The following ASPM variants were observed in gnomAD, a reference collection of about 807,000 sequenced individuals.
ASPM encodes the protein abnormal spindle-like microcephaly-associated protein.
ASPM carries 256 observed loss-of-function variants against 366.4 expected under a neutral mutation model. The ratio of observed to expected loss-of-function variants is 0.70; its 90% CI spans 0.63 to 0.77. The LOEUF is 0.77. ASPM is among the 30% of genes least tolerant of loss of function. The pLI is 0.00. For missense variants in ASPM, 4,146 were observed against 4,090.4 expected (o/e 1.01, Z -0.37); for synonymous variants, 1,414 against 1,342.9 (o/e 1.05, Z -1.16).
Position 197,122,012 on chromosome 1 carries a change from G to A in ASPM, c.3773C>T (p.Ala1258Val), listed in dbSNP as rs1225117056. The part of the protein sequence containing the change: ...VVITYLSFLC[A>V]RLLDLRKEIR... ...TTCTTTACGAAGATCCAAAAGCCTT[G>A]CACAAAGAAATGACAAATAGGTAAT... is the stretch of plus-strand genomic sequence containing the variant. The change falls in exon 16 of 28, where the codon GCA becomes GTA. Residue 1258 changes from alanine (A) to valine (V), a missense_variant. Ala to Val is a moderately conservative substitution (Grantham distance 64). This residue lies in a region of ASPM where 3,624 missense variants were observed against 3,591.7 expected (regional missense o/e 1.01). Coordinates refer to ENST00000367409, the MANE Select transcript of ASPM (RefSeq NM_018136.5). The A allele has an allele frequency of 6.2e-7, 1 of 1,611,894 alleles. No homozygotes were observed. Among genetic ancestry groups the A allele is most frequent in the Non-Finnish European group, 8.5e-7 (1 of 1,178,668 alleles).
chr1:197,085,298 C>T (rs1656553328), intron 27 of ASPM, among the ~76,000 whole-genome samples: 1 of 152,096 alleles, frequency 6.6e-6, no homozygotes, highest in Non-Finnish European at 1.5e-5. Flanking sequence ...CCAGCATGCT[C>T]CCTTTCTCTC....
At chr1:197,087,241 A>AT (rs1245443664) in intron 26 of ASPM, among the ~76,000 whole-genome samples, 3 of 151,088 alleles carry the variant, frequency 2.0e-5, no homozygotes, top group African/African-American at 4.9e-5. Flanking sequence ...CACCCGGCTA[A>AT]TTTTTTTTGT....
rs760611432 is a variant in ASPM, at chr1:197,128,601, C to T, written c.2825G>A (p.Arg942His). 1.9e-5 allele frequency: 30 copies of T among 1,613,396 alleles called. No homozygotes were observed. Among genetic ancestry groups the T allele is most frequent in the Admixed American group, 1.3e-4 (8 of 59,960 alleles). Residue 942 changes from arginine (R) to histidine (H), a missense_variant, in exon 10 of 28, where the codon CGT becomes CAT. This residue lies in a region of ASPM where 3,624 missense variants were observed against 3,591.7 expected (regional missense o/e 1.01). Coordinates refer to ENST00000367409, the MANE Select transcript of ASPM (RefSeq NM_018136.5). ...DFLSGEGDLS[R>H]HLGLLGLPVN... is the part of the protein sequence containing the mutation. Reference sequence around the variant, plus strand: ...AGGTAATCCCAATAAGCCAAGGTGACGGGAAAGGTCACCTTCACCACTTAG... The same window carrying T: ...AGGTAATCCCAATAAGCCAAGGTGATGGGAAAGGTCACCTTCACCACTTAG...
intron 18 of ASPM, among the ~76,000 whole-genome samples, chr1:197,099,947 C>T (rs181848076): frequency 2.6e-5 from 4 of 151,594 alleles, no homozygotes; most frequent in Admixed American, 2.0e-4. Flanking sequence ...ATAGACAAAA[C>T]AAAATAATAC....
In ASPM at chr1:197,093,045, T is replaced by C. The variant is rs776753470; in HGVS notation, c.9294+7A>G. 6.3e-7 allele frequency: 1 copy of C among 1,591,576 alleles called. No homozygotes were observed. Among genetic ancestry groups the C allele is most frequent in the Non-Finnish European group, 8.6e-7 (1 of 1,161,102 alleles). The stretch of plus-strand genomic sequence containing the variant: ...AAGAATGAGATATGCTACTTGAAAA[T>C]ACTTACTCTTTTTCGTACTAGCCAA... On this transcript the variant is annotated splice_region_variant and intron_variant, in intron 21 of 27. Transcript: ENST00000367409.
In ASPM at chr1:197,146,613, G is replaced by A; in HGVS notation, c.-176C>T. On this transcript the variant is annotated 5_prime_UTR_variant, in exon 1 of 28. Coordinates refer to ENST00000367409, the MANE Select transcript of ASPM (RefSeq NM_018136.5). ...CTACTCCCTAGAAAACAGAAAACAA[G>A]CCCAATAAACTCGCAAATTAAAAAG... 2.9e-6 allele frequency: 2 copies of A among 678,134 alleles called. No individual in the cohort carries two copies. The highest frequency in any genetic ancestry group is 5.0e-6 in the Non-Finnish European group (2 of 402,590). 42.0% of individuals were successfully genotyped at this position (678,134 alleles called of 1,614,324 possible). A position where few individuals can be genotyped will look rare whatever the true frequency, so the allele number is the denominator to read the frequency against.
At chr1:197,134,972 C>A in intron 5 of ASPM, 124 bp downstream of exon 5, 1 of 806,378 alleles carries the variant, frequency 1.2e-6, no homozygotes, top group Non-Finnish European at 2.0e-6. Flanking sequence ...AGCATTTAGG[C>A]TAATGAACAG....
intron 11 of ASPM, 34 bp from the exon 12 acceptor site, chr1:197,124,989 T>G: frequency 6.2e-7 from 1 of 1,604,418 alleles, no homozygotes; most frequent in Non-Finnish European, 8.5e-7. Context: ...TAGCATAATG[T>G]ACGCACATAT....
At chr1:197,134,544 A>T (rs866969502) in intron 5 of ASPM, among the ~76,000 whole-genome samples, 78 of 152,262 alleles carry the variant, frequency 5.1e-4, no homozygotes, top group Middle Eastern at 3.2e-3. Flanking sequence ...CAATTTAAAC[A>T]TTCATAAGAA....
At chr1:197,139,473 C>T (rs1310400508) in intron 4 of ASPM, among the ~76,000 whole-genome samples, 7 of 152,146 alleles carry the variant, frequency 4.6e-5, no homozygotes, top group African/African-American at 1.4e-4. Context: ...CGTGGGTGCC[C>T]GCAGTCCAAA....
chr1:197,087,448 C>T (rs186494710), intron 26 of ASPM, among the ~76,000 whole-genome samples: 20 of 152,132 alleles, frequency 1.3e-4, no homozygotes, highest in South Asian at 4.2e-4. Context: ...ATTTAAATTA[C>T]GAGCTAATTT....
chr1:197,090,814 A>G (rs1384188070), intron 23 of ASPM, 36 bp downstream of exon 23: 8 of 1,580,012 alleles, frequency 5.1e-6, no homozygotes, highest in Non-Finnish European at 7.0e-6. Flanking sequence ...ATTGCAAACT[A>G]AAGTTTTGAA....
intron 19 of ASPM, among the ~76,000 whole-genome samples, chr1:197,095,538 A>G (rs2125090706): frequency 6.6e-6 from 1 of 151,936 alleles, no homozygotes; most frequent in African/African-American, 2.4e-5. Flanking sequence ...TAGCATAGAC[A>G]GGTTGGTAAT....
chr1:197,143,699 C>T lies in ASPM; in HGVS notation c.553G>A (p.Val185Ile). 6.2e-7 allele frequency: 1 copy of T among 1,613,868 alleles called. No homozygotes were observed. Among genetic ancestry groups the T allele is most frequent in the Non-Finnish European group, 8.5e-7 (1 of 1,179,868 alleles). ...VNKTFSVSQK[V>I]DRVRSPLQAC... ...TGTAGTGGGCTCCTAACTCTGTCAA[C>T]TTTTTGGGAAACACTAAATGTTTTA... is the stretch of plus-strand genomic sequence containing the variant. The change falls in exon 3 of 28, where the codon GTT becomes ATT. Residue 185 changes from valine (V) to isoleucine (I), a missense_variant. This residue lies in a region of ASPM where 512 missense variants were observed against 471.7 expected (regional missense o/e 1.09). Transcript: ENST00000367409.
At chr1:197,140,857 T>A (rs1427852962) in intron 3 of ASPM, among the ~76,000 whole-genome samples, 1 of 152,112 alleles carries the variant, frequency 6.6e-6, no homozygotes, top group Admixed American at 6.5e-5. Context: ...ATTTTAATAG[T>A]GGAAGAAACA....
chr1:197,099,827 G>C (rs553270795), intron 18 of ASPM, among the ~76,000 whole-genome samples: 1 of 151,856 alleles, frequency 6.6e-6, no homozygotes, highest in Non-Finnish European at 1.5e-5. Context: ...CTTAGATTCA[G>C]TTCCTGGATC....
intron 4 of ASPM, among the ~76,000 whole-genome samples, chr1:197,135,976 G>A (rs1658409623): frequency 6.6e-6 from 1 of 152,102 alleles, no homozygotes; most frequent in Non-Finnish European, 1.5e-5. Context: ...AAAAGACAAT[G>A]TGAGAATCTT....
Position 197,116,425 on chromosome 1 carries a change from A to T in ASPM, c.4065+1364T>A, listed in dbSNP as rs143753692. Among the ~76,000 whole-genome samples, 4 of 152,300 alleles carry T rather than the reference A, an allele frequency of 2.6e-5. No individual in the cohort carries two copies. In the East Asian group the frequency reaches 7.7e-4, roughly 29 times the overall value. Reference sequence around the variant, plus strand: ...GTTTGAAATATTTTGAGAATTACCAAACTATGACACAAACACAAAGTGAGC... The same window carrying T: ...GTTTGAAATATTTTGAGAATTACCATACTATGACACAAACACAAAGTGAGC... On this transcript the variant is annotated intron_variant, in intron 17 of 27. Transcript: ENST00000367409.
chr1:197,144,799 C>T (rs1658718085), intron 1 of ASPM, among the ~76,000 whole-genome samples: 3 of 152,192 alleles, frequency 2.0e-5, no homozygotes, highest in Middle Eastern at 6.8e-3. Context: ...CAAATTTAAA[C>T]GCTGACATGA....
Sources: allele counts gnomAD v4.1 joint callset (sites outside exome capture counted in the v4.1 genomes callset), GRCh38; gene constraint gnomAD v4.1.1; regional missense constraint gnomAD v4.1.1; transcripts MANE v1.5; gene names NCBI Gene and HGNC (gene_info 2026-07-23, HGNC 2026-07-21).